The following ADGRL3 variants were observed in gnomAD, a reference collection of about 807,000 sequenced individuals.
ADGRL3 encodes the protein adhesion G protein-coupled receptor L3.
Under a neutral mutation model 153.5 loss-of-function variants are expected in ADGRL3, and 62 were observed. The observed-to-expected ratio is 0.40, with a 90% confidence interval of 0.33 to 0.50. The LOEUF (loss-of-function observed/expected upper bound fraction) is 0.50. Among genes scored for constraint, ADGRL3 ranks in the 20% least tolerant of loss-of-function variants. The pLI is 0.47. For synonymous variants in ADGRL3, 710 were observed against 672.5 expected, an observed-to-expected ratio of 1.06 and a Z score of -0.86; for missense variants, 1,641 against 1,859.4, an observed-to-expected ratio of 0.88 and a Z score of 2.16.
chr4:61,909,654 G>A lies in ADGRL3; in HGVS notation c.1982G>A (p.Arg661Gln), dbSNP rs746736211. 6.5e-5 allele frequency: 105 copies of A among 1,611,060 alleles called. No individual in the cohort carries two copies. The highest frequency in any genetic ancestry group is 8.7e-5 in the Non-Finnish European group (103 of 1,178,698). ...GCTGGGGACATCACCTACTCTGTCC[G>A]GGCCATGGACCAGCTGGTAGGCCTC... ...LNAGDITYSVRAMDQLVGLLD... is the reference protein window; with the variant it reads ...LNAGDITYSVQAMDQLVGLLD... The change falls in exon 12 of 27, where the codon CGG (arginine) becomes CAG (glutamine). Residue 661 changes from arginine (R) to glutamine (Q), a missense_variant. By Grantham distance (43) the Arg-to-Gln change is conservative (BLOSUM62 1). Coordinates refer to ENST00000683033, the MANE Select transcript of ADGRL3 (RefSeq NM_001387552.1).
rs7683034 is a variant in ADGRL3, at chr4:61,509,317, A to G, written c.56-7998A>G. Among the ~76,000 whole-genome samples, 677 of 152,006 alleles carry G rather than the reference A, an allele frequency of 4.5e-3. 7 individuals carry two copies. Among genetic ancestry groups the G allele is most frequent in the African/African-American group, 0.016 (645 of 41,512 alleles). On this transcript the variant is annotated intron_variant, in intron 3 of 26. Transcript: ENST00000683033. ...TAATTTTTGTATTTTTAGTAGAGAC[A>G]GGGTCTTGCCATGTTGGCCAGGCTG... is the stretch of plus-strand genomic sequence containing the variant.
At chr4:61,581,778 C>T (rs987268558) in intron 4 of ADGRL3, among the ~76,000 whole-genome samples, 24 of 152,148 alleles carry the variant, frequency 1.6e-4, no homozygotes, top group African/African-American at 5.1e-4. Flanking sequence ...ATGTCAGAAA[C>T]GTGGCAGCCA....
intron 8 of ADGRL3, among the ~76,000 whole-genome samples, chr4:61,744,523 G>A (rs1210670345): frequency 4.6e-5 from 7 of 152,120 alleles, no homozygotes; most frequent in Non-Finnish European, 1.0e-4. Context: ...AAAAATTCCA[G>A]AGGAGCTATC....
chr4:61,909,818 A>G, intron 12 of ADGRL3, 73 bp downstream of exon 12: 1 of 1,179,198 alleles, frequency 8.5e-7, no homozygotes, highest in Non-Finnish European at 1.1e-6. Context: ...AAGTTGTAAT[A>G]AAATCAGAAA....
At chr4:61,934,244 G>A (rs916769961) in intron 13 of ADGRL3, among the ~76,000 whole-genome samples, 5 of 152,136 alleles carry the variant, frequency 3.3e-5, no homozygotes, top group Non-Finnish European at 7.4e-5. Flanking sequence ...CAGCATGAAG[G>A]AGGTTTCTCT....
At chr4:61,706,681 G>A (rs921175762) in intron 6 of ADGRL3, among the ~76,000 whole-genome samples, 3 of 152,148 alleles carry the variant, frequency 2.0e-5, no homozygotes, top group African/African-American at 7.2e-5. Context: ...TACAATTGCA[G>A]AGAGTTAGGG....
chr4:61,245,159 T>C (rs1198277034), intron 1 of ADGRL3, among the ~76,000 whole-genome samples: 2 of 152,048 alleles, frequency 1.3e-5, no homozygotes, highest in African/African-American at 4.8e-5. Context: ...TCTGCTTCCA[T>C]TGCCAGACTG....
chr4:61,866,660 G>T (rs989931208), intron 9 of ADGRL3, among the ~76,000 whole-genome samples: 11 of 152,152 alleles, frequency 7.2e-5, no homozygotes, highest in Non-Finnish European at 1.5e-4. Flanking sequence ...TTTCCAATAT[G>T]CCTTCTGAAA....
At chr4:61,776,176 A>C (rs2152339995) in intron 8 of ADGRL3, among the ~76,000 whole-genome samples, 1 of 152,320 alleles carries the variant, frequency 6.6e-6, no homozygotes, top group East Asian at 1.9e-4. Context: ...CTGGGATTAC[A>C]GGCGTGAGCC....
In ADGRL3 at chr4:62,075,036, T is replaced by A. The variant is rs1236793532; in HGVS notation, c.*4128T>A. ...AATTTCGACTGACTTTCTACATTAC[T>A]GTAAAGATCAAAAGGGAGAGGAAAA... On this transcript the variant is annotated 3_prime_UTR_variant, in exon 27 of 27. Coordinates refer to ENST00000683033, the MANE Select transcript of ADGRL3 (RefSeq NM_001387552.1). 1.3e-5 allele frequency: 2 copies of A among 152,192 alleles called. No homozygotes were observed. Among genetic ancestry groups the A allele is most frequent in the East Asian group, 3.9e-4 (2 of 5,188 alleles). 9.4% of individuals were successfully genotyped at this position (152,192 alleles called of 1,614,324 possible).
chr4:62,029,196 T>G (rs1720569548), intron 22 of ADGRL3, among the ~76,000 whole-genome samples: 2 of 151,754 alleles, frequency 1.3e-5, no homozygotes, highest in Non-Finnish European at 3.0e-5. Flanking sequence ...GATGTGTTCC[T>G]CTGTGCCACA....
At chr4:61,449,071 C>A (rs1396822145) in intron 2 of ADGRL3, among the ~76,000 whole-genome samples, 1 of 151,852 alleles carries the variant, frequency 6.6e-6, no homozygotes, top group East Asian at 1.9e-4. Flanking sequence ...ATTGGGGGAC[C>A]TTTAGAGATC....
At chr4:61,775,078 C>G (rs976426973) in intron 8 of ADGRL3, among the ~76,000 whole-genome samples, 1 of 152,146 alleles carries the variant, frequency 6.6e-6, no homozygotes, top group Non-Finnish European at 1.5e-5. Flanking sequence ...GTATCTATTT[C>G]CAATTGTCTT....
At chr4:61,269,295 C>G (rs1419954632) in intron 1 of ADGRL3, among the ~76,000 whole-genome samples, 1 of 151,484 alleles carries the variant, frequency 6.6e-6, no homozygotes, top group African/African-American at 2.4e-5. Context: ...CTCCTTCTTC[C>G]TTTTCTCTGG....
At chr4:61,935,219 T>C (rs2098833180) in intron 14 of ADGRL3, among the ~76,000 whole-genome samples, 196 bp downstream of exon 14, 2 of 152,202 alleles carry the variant, frequency 1.3e-5, no homozygotes, top group Non-Finnish European at 2.9e-5. Context: ...CTATCTTTCT[T>C]AGGACATTTC....
chr4:61,789,297 G>C (rs1212108517), intron 8 of ADGRL3, among the ~76,000 whole-genome samples: 2 of 151,778 alleles, frequency 1.3e-5, no homozygotes, highest in African/African-American at 4.8e-5. Context: ...GTGTGTGTGT[G>C]TACACACACA....
intron 1 of ADGRL3, among the ~76,000 whole-genome samples, chr4:61,359,226 C>T (rs977943045): frequency 3.9e-5 from 6 of 152,146 alleles, no homozygotes; most frequent in African/African-American, 1.4e-4. Context: ...TATTGTGTAT[C>T]TTTGCAACTA....
intron 4 of ADGRL3, 55 bp downstream of exon 4, chr4:61,517,573 G>T (rs34901041): frequency 2.9e-6 from 2 of 693,948 alleles, no homozygotes; most frequent in Non-Finnish European, 2.6e-6. Flanking sequence ...GGGCTCCTGA[G>T]AGGCTCAGCC....
At chr4:61,274,291 A>G (rs2093354019) in intron 1 of ADGRL3, among the ~76,000 whole-genome samples, 1 of 152,236 alleles carries the variant, frequency 6.6e-6, no homozygotes, top group African/African-American at 2.4e-5. Context: ...TAACATTATC[A>G]TAGAATCCAT....
Sources: gnomAD v4.1 joint callset for allele counts (sites outside exome capture counted in the v4.1 genomes callset) on GRCh38, gnomAD v4.1.1 for gene constraint, MANE v1.5 for transcripts, NCBI Gene and HGNC (gene_info 2026-07-23, HGNC 2026-07-21) for gene names.